Variants in LIMK2 observed in about 807,000 individuals in gnomAD.
The protein encoded by LIMK2 is LIM domain kinase 2.
A neutral mutation model predicts 75.7 loss-of-function variants in LIMK2; 35 were observed. The ratio of observed to expected loss-of-function variants is 0.46; its 90% CI spans 0.35 to 0.61. The LOEUF (loss-of-function observed/expected upper bound fraction) is 0.61. Among genes scored for constraint, LIMK2 ranks in the 20% least tolerant of loss-of-function variants. The probability of loss-of-function intolerance (pLI) is 0.00; values close to 1 mark genes in which losing one functional copy is unlikely to be tolerated. For synonymous variants in LIMK2, 301 were observed against 319.2 expected, an observed-to-expected ratio of 0.94 and a Z score of 0.61; for missense variants, 623 against 831.0, an observed-to-expected ratio of 0.75 and a Z score of 3.08.
At chr22:31,267,729 CAGTG>C (rs774574295) in intron 9 of LIMK2, 43 bp from the exon 10 acceptor site, 115 of 1,557,312 alleles carry the variant, frequency 7.4e-5, no homozygotes, top group South Asian at 2.1e-4. Flanking sequence ...GTAAGGAAGA[CAGTG>C]AGAAGTTAAC....
At chr22:31,236,293 T>TG (rs2048573591) in intron 2 of LIMK2, among the ~76,000 whole-genome samples, 1 of 104,152 alleles carries the variant, frequency 9.6e-6, no homozygotes, top group Non-Finnish European at 2.0e-5. Context: ...AGACTCAGTC[T>TG]AAAAAAAAAA....
At position 31,248,562 on chromosome 22, in the gene LIMK2, G is replaced by A. The variant is rs767867465; in HGVS notation, c.117-9729G>A. 9.4e-6 allele frequency: 15 copies of A among 1,600,544 alleles called. No individual in the cohort carries two copies. In the South Asian group the frequency reaches 1.1e-4, roughly 12 times the overall value. The stretch of plus-strand genomic sequence containing the variant: ...AGTGGCCTGGAGTCCTCAGGCTCCC[G>A]CAGCTGCTCCGGAGGGAGAGGTGAG... On this transcript the variant is annotated intron_variant, in intron 2 of 15. Transcript: ENST00000331728.
At chr22:31,228,021 C>CGT (rs66641491) in intron 2 of LIMK2, among the ~76,000 whole-genome samples, 17,000 of 147,524 alleles carry the variant, frequency 0.12, 1,012 homozygotes, top group East Asian at 0.24. Flanking sequence ...TCTGTGCGTG[C>CGT]GTGTGTGTGT....
intron 8 of LIMK2, 98 bp downstream of exon 8, chr22:31,266,230 C>A: frequency 2.5e-6 from 3 of 1,199,324 alleles, no homozygotes; most frequent in Non-Finnish European, 3.6e-6. Context: ...CCACACCATG[C>A]AGGATGCCAG....
chr22:31,277,202 G>C lies in LIMK2; in HGVS notation c.1773-1095G>C. 1.9e-6 allele frequency: 3 copies of C among 1,608,446 alleles called. No individual in the cohort carries two copies. The South Asian group carries it at 3.3e-5, about 18-fold the overall frequency. Reference sequence around the variant, plus strand: ...ACAATCGCTACCCCCCGACCTCGTAGCAACAGCAATACCGGGGGACCCTGC... The same window carrying C: ...ACAATCGCTACCCCCCGACCTCGTACCAACAGCAATACCGGGGGACCCTGC... On this transcript the variant is annotated intron_variant, in intron 15 of 15. Coordinates refer to ENST00000331728, the MANE Select transcript of LIMK2 (RefSeq NM_005569.4).
chr22:31,276,992 A>G, intron 15 of LIMK2: 1 of 1,613,902 alleles, frequency 6.2e-7, no homozygotes, highest in Non-Finnish European at 8.5e-7. Flanking sequence ...GACGTGGATG[A>G]GCTCCTGGAC....
chr22:31,214,753 G>A (rs1195109686), intron 1 of LIMK2, among the ~76,000 whole-genome samples: 2 of 152,192 alleles, frequency 1.3e-5, no homozygotes, highest in Non-Finnish European at 2.9e-5. Context: ...GGCATGTAGT[G>A]CCTTTGAGCC....
chr22:31,234,467 C>T (rs531309179), intron 2 of LIMK2, among the ~76,000 whole-genome samples: 177 of 151,564 alleles, frequency 1.2e-3, no homozygotes, highest in Non-Finnish European at 2.2e-3. Context: ...TCACACCTAT[C>T]ATCTCAGCAC....
At chr22:31,251,280 A>G (rs533123437) in intron 2 of LIMK2, among the ~76,000 whole-genome samples, 13 of 152,344 alleles carry the variant, frequency 8.5e-5, no homozygotes, top group African/African-American at 3.1e-4. Flanking sequence ...TTTACACATT[A>G]TCTCTTGAAG....
chr22:31,223,658 C>T (rs2048455338), intron 1 of LIMK2, among the ~76,000 whole-genome samples: 5 of 152,176 alleles, frequency 3.3e-5, no homozygotes, highest in Admixed American at 3.3e-4. Context: ...GTCCGTAACC[C>T]AACCTGGGAT....
At chr22:31,274,605 T>C (rs2048993946) in intron 14 of LIMK2, among the ~76,000 whole-genome samples, 1 of 152,202 alleles carries the variant, frequency 6.6e-6, no homozygotes, top group Non-Finnish European at 1.5e-5. Context: ...TTCGCCATAT[T>C]GGCCAGGCTG....
rs145152616 is a variant in LIMK2 at position 31,268,094 on chromosome 22, C to T, written c.1261-50C>T. 351 of 1,587,934 alleles carry T rather than the reference C, an allele frequency of 2.2e-4. 1 individual carries two copies. In the Middle Eastern group the frequency reaches 6.3e-3, roughly 28 times the overall value. ...ACATTGACCCATGGGGCCTGGACCA[C>T]GAGTGGGACAGGGCTCAACAGCCTC... On this transcript the variant is annotated intron_variant, in intron 10 of 15. Transcript: ENST00000331728.
At chr22:31,277,308 T>G in intron 15 of LIMK2, 1 of 1,446,390 alleles carries the variant, frequency 6.9e-7, no homozygotes, top group Non-Finnish European at 9.1e-7. Flanking sequence ...GTTTTCCACT[T>G]TTGGATTTTT....
At position 31,262,220 on chromosome 22, in the gene LIMK2, G is replaced by T. The variant is rs779494391; in HGVS notation, c.638G>T (p.Arg213Leu). The stretch of plus-strand genomic sequence containing the variant: ...CTGGAGATCAATGGGACCCCCGTCC[G>T]CACACTTCGAGTGGAGGAGGTAGAG... Reference protein sequence around the residue: ...RILEINGTPVRTLRVEEVEDA... With the variant: ...RILEINGTPVLTLRVEEVEDA... The change falls in exon 6 of 16, where the codon CGC becomes CTC. Residue 213 changes from arginine (R) to leucine (L), a missense_variant. Physicochemically the swap from Arg to Leu is moderately radical, Grantham distance 102. Transcript: ENST00000331728. This position sits in a 1 kb window ranked among gnomAD's most constrained non-coding sequence, Gnocchi z 5.0. The T allele has an allele frequency of 3.7e-6, 6 of 1,612,968 alleles. No homozygotes were observed. The Admixed American group carries it at 8.3e-5, about 22-fold the overall frequency.
At chr22:31,248,340 G>A (rs1245966567) in intron 2 of LIMK2, 4 of 1,231,588 alleles carry the variant, frequency 3.2e-6, no homozygotes, top group Non-Finnish European at 4.1e-6. Flanking sequence ...TTCAGGGGTG[G>A]GACTGAAGAA....
At chr22:31,254,655 A>G (rs1168433132) in intron 2 of LIMK2, among the ~76,000 whole-genome samples, 2 of 151,462 alleles carry the variant, frequency 1.3e-5, no homozygotes, top group African/African-American at 4.9e-5. Flanking sequence ...GTTCTTCAGA[A>G]CCACATTTAA....
chr22:31,228,539 A>C (rs2048498381), intron 2 of LIMK2, among the ~76,000 whole-genome samples: 1 of 152,210 alleles, frequency 6.6e-6, no homozygotes, highest in Non-Finnish European at 1.5e-5. Context: ...ACCAATCTGT[A>C]AAATGAGGAT....
At chr22:31,219,746 T>C (rs1220450305) in intron 1 of LIMK2, among the ~76,000 whole-genome samples, 2 of 152,054 alleles carry the variant, frequency 1.3e-5, no homozygotes, top group Non-Finnish European at 2.9e-5. Context: ...TAATTTTTTG[T>C]ATTTTTTAGT....
intron 1 of LIMK2, among the ~76,000 whole-genome samples, chr22:31,225,127 C>T (rs1189594494): frequency 2.0e-5 from 3 of 152,206 alleles, no homozygotes; most frequent in Non-Finnish European, 4.4e-5. Flanking sequence ...CCCCCCGCCC[C>T]CCAACCCCCA....
Sources: gnomAD v4.1 joint callset for allele counts (sites outside exome capture counted in the v4.1 genomes callset) on GRCh38, gnomAD v4.1.1 for gene constraint, Gnocchi (gnomAD v3.1) non-coding constraint, MANE v1.5 for transcripts, NCBI Gene and HGNC (gene_info 2026-07-23, HGNC 2026-07-21) for gene names.